ARHGAP26: variants seen among roughly 807,000 people sequenced by gnomAD.
The protein encoded by ARHGAP26 is rho GTPase-activating protein 26.
A neutral mutation model predicts 104.8 loss-of-function variants in ARHGAP26; 38 were observed. That is an observed-to-expected ratio of 0.36 (90% CI 0.28 to 0.48). The LOEUF (loss-of-function observed/expected upper bound fraction) is 0.48, where lower values mean the gene tolerates loss of function less well. Ranked by LOEUF, ARHGAP26 falls within the 20% of genes least tolerant of loss-of-function variation. ARHGAP26 has a pLI of 0.99. For synonymous variants in ARHGAP26, 341 were observed against 340.0 expected (o/e 1.00, Z -0.03); for missense variants, 704 against 947.9 (o/e 0.74, Z 3.38).
intron 20 of ARHGAP26, among the ~76,000 whole-genome samples, chr5:143,152,539 A>G (rs1220167040): frequency 1.3e-5 from 2 of 152,300 alleles, no homozygotes; most frequent in Middle Eastern, 3.4e-3. Context: ...CTTCACTTTT[A>G]TACCTAATGC....
At chr5:142,991,246 G>A (rs563090216) in intron 11 of ARHGAP26, among the ~76,000 whole-genome samples, 38 of 152,312 alleles carry the variant, frequency 2.5e-4, no homozygotes, top group African/African-American at 7.2e-4. Context: ...CTCCGTGGGC[G>A]TGGGACCCTC....
At chr5:143,030,380 C>A (rs954416415) in intron 12 of ARHGAP26, among the ~76,000 whole-genome samples, 3 of 152,174 alleles carry the variant, frequency 2.0e-5, no homozygotes, top group Non-Finnish European at 4.4e-5. Flanking sequence ...GATGATAATG[C>A]CTTGATGGAC....
chr5:142,973,273 A>G (rs1273552656), intron 11 of ARHGAP26, among the ~76,000 whole-genome samples: 1 of 152,208 alleles, frequency 6.6e-6, no homozygotes, highest in African/African-American at 2.4e-5. Flanking sequence ...AATTTCCATT[A>G]TGTGTATCCA....
At position 142,831,892 on chromosome 5, in the gene ARHGAP26, G is replaced by A. The variant is rs150852794; in HGVS notation, c.155-41508G>A. ...TTGCAACATAGCTACCTACATAGCC[G>A]CTTGACTGACTCTTGCAATGGCTTC... is the stretch of plus-strand genomic sequence containing the variant. On this transcript the variant is annotated intron_variant, in intron 1 of 22. Coordinates refer to ENST00000645722, the MANE Select transcript of ARHGAP26 (RefSeq NM_001135608.3). 3.0e-4 allele frequency among the ~76,000 whole-genome samples: 46 copies of A among 152,000 alleles called. No individual in the cohort carries two copies. In the East Asian group the frequency reaches 7.9e-3, roughly 26 times the overall value.
At chr5:142,978,344 A>G (rs1773435770) in intron 11 of ARHGAP26, among the ~76,000 whole-genome samples, 2 of 152,162 alleles carry the variant, frequency 1.3e-5, no homozygotes, top group Non-Finnish European at 2.9e-5. Flanking sequence ...TGTGTGAGAA[A>G]TCCTTGGCCA....
intron 20 of ARHGAP26, among the ~76,000 whole-genome samples, chr5:143,201,418 G>C: frequency 6.6e-6 from 1 of 152,160 alleles, no homozygotes; most frequent in East Asian, 1.9e-4. Flanking sequence ...TGGGAAAGGG[G>C]TTGCAAATTT....
At chr5:142,994,910 A>G (rs1317027230) in intron 11 of ARHGAP26, among the ~76,000 whole-genome samples, 3 of 152,262 alleles carry the variant, frequency 2.0e-5, no homozygotes, top group African/African-American at 4.8e-5. Context: ...AGGTTTGACA[A>G]AAACAAACAA....
intron 1 of ARHGAP26, among the ~76,000 whole-genome samples, chr5:142,867,300 TG>T (rs1754472000): frequency 6.9e-6 from 1 of 145,864 alleles, no homozygotes; most frequent in Non-Finnish European, 1.5e-5. Flanking sequence ...TGTGTGTGTG[TG>T]TGTGTGTGTG....
chr5:143,042,418 G>T (rs1247343730), intron 14 of ARHGAP26, among the ~76,000 whole-genome samples: 1 of 152,202 alleles, frequency 6.6e-6, no homozygotes, highest in Non-Finnish European at 1.5e-5. Flanking sequence ...CCTGTCACTT[G>T]AGCAGCAGAA....
At chr5:142,955,858 C>T (rs1183503610) in intron 11 of ARHGAP26, among the ~76,000 whole-genome samples, 1 of 152,240 alleles carries the variant, frequency 6.6e-6, no homozygotes, top group Non-Finnish European at 1.5e-5. Flanking sequence ...CTCCATGTTG[C>T]ACTCTCAGAG....
chr5:142,770,727 G>A lies in ARHGAP26; in HGVS notation c.-35G>A. On this transcript the variant is annotated 5_prime_UTR_variant, in exon 1 of 23. Transcript: ENST00000645722. Reference sequence around the variant, plus strand: ...GGCGGCGGGCGGCCCGGGCCCCGGCGGAGGCGCGCCCCCCGGCTGGGCGCC... The same window carrying A: ...GGCGGCGGGCGGCCCGGGCCCCGGCAGAGGCGCGCCCCCCGGCTGGGCGCC... The A allele has an allele frequency of 8.3e-7, 1 of 1,206,684 alleles. No homozygotes were observed. Among genetic ancestry groups the A allele is most frequent in the Non-Finnish European group, 1.0e-6 (1 of 962,404 alleles). The allele number at this position is 1,206,684 out of a possible 1,614,324, so 74.7% of individuals were successfully genotyped here. A position where few individuals can be genotyped will look rare whatever the true frequency, so the allele number is the denominator to read the frequency against.
chr5:143,121,278 T>TG (rs1796102939), intron 18 of ARHGAP26, 131 bp downstream of exon 18: 2 of 952,124 alleles, frequency 2.1e-6, no homozygotes, highest in Non-Finnish European at 3.0e-6. Context: ...AAGTTGCTGG[T>TG]GGTGGTAGTG....
At chr5:143,027,655 T>C (rs1781258177) in intron 12 of ARHGAP26, among the ~76,000 whole-genome samples, 1 of 152,208 alleles carries the variant, frequency 6.6e-6, no homozygotes, top group Admixed American at 6.5e-5. Context: ...CTGAGAAATG[T>C]TTGTGAACCT....
rs976084469 is a variant in ARHGAP26 at position 143,165,687 on chromosome 5, A to G, written c.1988+18306A>G. Among the ~76,000 whole-genome samples, 8 of 152,194 alleles carry G rather than the reference A, an allele frequency of 5.3e-5. No individual in the cohort carries two copies. In the East Asian group the frequency reaches 7.7e-4, roughly 15 times the overall value. On this transcript the variant is annotated intron_variant, in intron 20 of 22. Transcript: ENST00000645722. ...CACCCAATAATGAACGTTGTACCCA[A>G]TGGGTAATTCTTTAGTCATCACCCC...
intron 14 of ARHGAP26, among the ~76,000 whole-genome samples, chr5:143,050,050 G>A (rs898622887): frequency 1.3e-5 from 2 of 152,222 alleles, no homozygotes; most frequent in South Asian, 4.1e-4. Context: ...CTGGAGTGGG[G>A]TTGGGGGGTT....
chr5:143,120,395 AT>A (rs1189788733), intron 17 of ARHGAP26, among the ~76,000 whole-genome samples: 1 of 152,188 alleles, frequency 6.6e-6, no homozygotes, highest in African/African-American at 2.4e-5. Flanking sequence ...ACACTAGTGC[AT>A]TTTTATTTCT....
chr5:143,133,696 A>G (rs965991692), intron 18 of ARHGAP26, among the ~76,000 whole-genome samples: 2 of 152,234 alleles, frequency 1.3e-5, no homozygotes, highest in Non-Finnish European at 2.9e-5. Flanking sequence ...TGGAGAGAAC[A>G]ATAAAAAGAC....
At chr5:143,034,470 T>C (rs1178820522) in intron 12 of ARHGAP26, among the ~76,000 whole-genome samples, 1 of 152,170 alleles carries the variant, frequency 6.6e-6, no homozygotes, top group Non-Finnish European at 1.5e-5. Context: ...GAAAACATTA[T>C]GTTAAGTAAA....
At position 142,814,587 on chromosome 5, in the gene ARHGAP26, A is replaced by T. The variant is rs116312825; in HGVS notation, c.154+43672A>T. Among the ~76,000 whole-genome samples, 1,116 of 152,318 alleles carry T rather than the reference A, an allele frequency of 7.3e-3. 12 individuals carry two copies. Among genetic ancestry groups the T allele is most frequent in the African/African-American group, 0.026 (1,069 of 41,558 alleles). On this transcript the variant is annotated intron_variant, in intron 1 of 22. Transcript: ENST00000645722. ...CTCAGTGGCTTAAATCTTCAGTACAACAAGGTGAGATAAACAAGTAAATAA... is the reference window on the plus strand; with the variant it reads ...CTCAGTGGCTTAAATCTTCAGTACATCAAGGTGAGATAAACAAGTAAATAA...
Sources: allele counts gnomAD v4.1 joint callset (sites outside exome capture counted in the v4.1 genomes callset), GRCh38; gene constraint gnomAD v4.1.1; transcripts MANE v1.5; gene names NCBI Gene and HGNC (gene_info 2026-07-23, HGNC 2026-07-21).